B3GAT2: variants seen among roughly 807,000 people sequenced by gnomAD.
The protein encoded by B3GAT2 is galactosylgalactosylxylosylprotein 3-beta-glucuronosyltransferase 2.
A neutral mutation model predicts 27.8 loss-of-function variants in B3GAT2; 26 were observed. The observed-to-expected ratio is 0.93, with a 90% CI of 0.68 to 1.30. The LOEUF is 1.30. B3GAT2 is among the 50% of genes most tolerant of loss of function. The probability of loss-of-function intolerance (pLI) is 0.00; values close to 1 mark genes in which losing one functional copy is unlikely to be tolerated. For synonymous variants in B3GAT2, 218 were observed against 195.1 expected, an observed-to-expected ratio of 1.12 and a Z score of -0.98; for missense variants, 458 against 459.0, an observed-to-expected ratio of 1.00 and a Z score of 0.02.
At position 70,887,493 on chromosome 6, in the gene B3GAT2, G is replaced by A. The variant is rs552670503; in HGVS notation, c.736+6635C>T. Reference sequence around the variant, plus strand: ...ACTTGTAGCGGGGACAGCTGCTCTGGGATAGTGCCGTCACTCAGCCCCACT... The same window carrying A: ...ACTTGTAGCGGGGACAGCTGCTCTGAGATAGTGCCGTCACTCAGCCCCACT... On this transcript the variant is annotated intron_variant, in intron 2 of 3. Transcript: ENST00000230053. 1.4e-4 allele frequency among the ~76,000 whole-genome samples: 22 copies of A among 152,216 alleles called. No individual in the cohort carries two copies. In the South Asian group the frequency reaches 4.6e-3, roughly 32 times the overall value.
intron 1 of B3GAT2, among the ~76,000 whole-genome samples, chr6:70,947,060 T>A (rs1414498602): frequency 6.6e-6 from 1 of 151,694 alleles, no homozygotes; most frequent in African/African-American, 2.4e-5. Context: ...CATACCAGAA[T>A]CTCTGGGACA....
intron 1 of B3GAT2, among the ~76,000 whole-genome samples, chr6:70,927,462 A>G (rs982597177): frequency 3.3e-5 from 5 of 152,220 alleles, no homozygotes; most frequent in Non-Finnish European, 7.3e-5. Context: ...CATAGGCTCA[A>G]AATAAAGGGA....
intron 1 of B3GAT2, among the ~76,000 whole-genome samples, chr6:70,947,555 C>G (rs919378952): frequency 1.6e-4 from 24 of 152,008 alleles, no homozygotes; most frequent in Middle Eastern, 6.8e-3. Flanking sequence ...TCTGAATAGA[C>G]CAATAACAGG....
At chr6:70,928,110 G>T (rs1179199051) in intron 1 of B3GAT2, among the ~76,000 whole-genome samples, 1 of 152,126 alleles carries the variant, frequency 6.6e-6, no homozygotes, top group African/African-American at 2.4e-5. Flanking sequence ...AATGAAGGCA[G>T]AAATAAAGAT....
chr6:70,909,027 T>C (rs2474920), intron 1 of B3GAT2, among the ~76,000 whole-genome samples: 72,929 of 152,024 alleles, frequency 0.48, 18,137 homozygotes, highest in East Asian at 0.69. Context: ...AGAAAAAGAT[T>C]AATATTTTAC....
intron 1 of B3GAT2, among the ~76,000 whole-genome samples, chr6:70,901,860 C>T (rs1292772113): frequency 1.3e-5 from 2 of 151,968 alleles, no homozygotes; most frequent in Non-Finnish European, 2.9e-5. Context: ...GGGAATGTTC[C>T]TAAATATTTA....
intron 1 of B3GAT2, among the ~76,000 whole-genome samples, chr6:70,949,019 G>A (rs909376272): frequency 6.6e-5 from 10 of 152,188 alleles, no homozygotes; most frequent in African/African-American, 2.4e-4. Context: ...GTAGAAAGCT[G>A]AAACTGGATC....
At chr6:70,913,194 T>C (rs1218127540) in intron 1 of B3GAT2, among the ~76,000 whole-genome samples, 2 of 152,156 alleles carry the variant, frequency 1.3e-5, no homozygotes, top group Non-Finnish European at 2.9e-5. Flanking sequence ...GGTTCTTTTC[T>C]TCTGCTAGCT....
chr6:70,915,804 A>G (rs1171375776), intron 1 of B3GAT2, among the ~76,000 whole-genome samples: 1 of 152,156 alleles, frequency 6.6e-6, no homozygotes, highest in Non-Finnish European at 1.5e-5. Context: ...TGGTTACTGT[A>G]GCCTTGTAGT....
intron 1 of B3GAT2, among the ~76,000 whole-genome samples, chr6:70,909,738 C>T (rs933891335): frequency 2.6e-5 from 4 of 152,132 alleles, no homozygotes; most frequent in Admixed American, 1.3e-4. Flanking sequence ...GTCCAAGGTG[C>T]GTGATATAAT....
At chr6:70,949,431 C>A (rs1375050193) in intron 1 of B3GAT2, among the ~76,000 whole-genome samples, 1 of 152,106 alleles carries the variant, frequency 6.6e-6, no homozygotes, top group African/African-American at 2.4e-5. Context: ...AACATTTATG[C>A]AGCCAAAAGA....
intron 1 of B3GAT2, among the ~76,000 whole-genome samples, chr6:70,918,206 T>G (rs1211115088): frequency 6.6e-6 from 1 of 152,202 alleles, no homozygotes; most frequent in Admixed American, 6.5e-5. Flanking sequence ...GTCTGTTTCA[T>G]CAGAGACCAG....
intron 2 of B3GAT2, among the ~76,000 whole-genome samples, chr6:70,874,312 T>C (rs938065748): frequency 6.6e-6 from 1 of 152,214 alleles, no homozygotes; most frequent in Non-Finnish European, 1.5e-5. Flanking sequence ...TTCAGTTAGC[T>C]TAAGAGGTCA....
intron 1 of B3GAT2, among the ~76,000 whole-genome samples, chr6:70,916,721 C>T (rs1211612354): frequency 6.6e-6 from 1 of 152,148 alleles, no homozygotes; most frequent in African/African-American, 2.4e-5. Flanking sequence ...TATGTTGAAC[C>T]AGCCTTCCAT....
chr6:70,917,890 A>G (rs747131875), intron 1 of B3GAT2, among the ~76,000 whole-genome samples: 1 of 152,162 alleles, frequency 6.6e-6, no homozygotes, highest in Non-Finnish European at 1.5e-5. Context: ...TGGGAAGAAG[A>G]GTTCTGTAGA....
At chr6:70,955,808 C>T (rs1389094582) in intron 1 of B3GAT2, 31 bp downstream of exon 1, 2 of 1,545,712 alleles carry the variant, frequency 1.3e-6, no homozygotes, top group South Asian at 1.2e-5. Flanking sequence ...CTCCCGCCCT[C>T]GCCCACCCAG....
Position 70,894,167 on chromosome 6 carries a change from C to A in B3GAT2, c.697G>T (p.Gly233Cys), listed in dbSNP as rs774249812. 6 of 1,613,368 alleles carry A rather than the reference C, an allele frequency of 3.7e-6. No individual in the cohort carries two copies. Among genetic ancestry groups the A allele is most frequent in the Non-Finnish European group, 5.1e-6 (6 of 1,179,504 alleles). The change falls in exon 2 of 4, where the codon GGC becomes TGC. Residue 233 changes from glycine (G) to cysteine (C), a missense_variant. Coordinates refer to ENST00000230053, the MANE Select transcript of B3GAT2 (RefSeq NM_080742.3). ...ENGKVVGWYT[G>C]WRADRPFAID... ...GCAAAAGGCCTGTCTGCTCTCCAGCCGGTGTACCAGCCAACAACTTTGCCG... is the reference window on the plus strand; with the variant it reads ...GCAAAAGGCCTGTCTGCTCTCCAGCAGGTGTACCAGCCAACAACTTTGCCG...
At chr6:70,939,817 C>T (rs1174413365) in intron 1 of B3GAT2, among the ~76,000 whole-genome samples, 1 of 151,862 alleles carries the variant, frequency 6.6e-6, no homozygotes, top group African/African-American at 2.4e-5. Context: ...ATGGGTGCAG[C>T]ACACCAGCAT....
In B3GAT2 at chr6:70,860,343, A is replaced by G. The variant is rs1202304810; in HGVS notation, c.*1320T>C. The G allele has an allele frequency of 6.2e-7, 1 of 1,602,266 alleles. No individual in the cohort carries two copies. The highest frequency in any genetic ancestry group is 8.5e-7 in the Non-Finnish European group (1 of 1,175,168). On this transcript the variant is annotated 3_prime_UTR_variant, in exon 4 of 4. Coordinates refer to ENST00000230053, the MANE Select transcript of B3GAT2 (RefSeq NM_080742.3). ...CACAACTGTGGAAATGAAAACTGCA[A>G]TACAAGTTTCATCCAGAACTACCAC...
Sources: gnomAD v4.1 joint callset for allele counts (sites outside exome capture counted in the v4.1 genomes callset) on GRCh38, gnomAD v4.1.1 for gene constraint, MANE v1.5 for transcripts, NCBI Gene and HGNC (gene_info 2026-07-23, HGNC 2026-07-21) for gene names.